Variants in FHAD1 observed in about 807,000 individuals in gnomAD.
The protein encoded by FHAD1 is forkhead associated phosphopeptide binding domain 1.
FHAD1 carries 146 observed loss-of-function variants against 191.3 expected under a neutral mutation model. The ratio of observed to expected loss-of-function variants is 0.76; its 90% CI spans 0.67 to 0.88. The LOEUF is 0.88. Ranked by LOEUF, FHAD1 falls within the 40% of genes least tolerant of loss-of-function variation. FHAD1 has a pLI of 0.00. For synonymous variants in FHAD1, 616 were observed against 672.3 expected (o/e 0.92, Z 1.29); for missense variants, 1,635 against 1,785.8 (o/e 0.92, Z 1.52).
chr1:15,385,184 T>G (rs1377007693), intron 31 of FHAD1, among the ~76,000 whole-genome samples: 1 of 151,574 alleles, frequency 6.6e-6, no homozygotes, highest in Non-Finnish European at 1.5e-5. Context: ...GAGAAAACAG[T>G]TTTTTTTCAG....
At chr1:15,351,238 G>A (rs552802403) in intron 19 of FHAD1, among the ~76,000 whole-genome samples, 1 of 152,246 alleles carries the variant, frequency 6.6e-6, no homozygotes, top group East Asian at 1.9e-4. Flanking sequence ...CCAGCTGCTC[G>A]GGAGGCTGAG....
At chr1:15,343,580 T>C (rs1687680456) in intron 16 of FHAD1, among the ~76,000 whole-genome samples, 1 of 152,184 alleles carries the variant, frequency 6.6e-6, no homozygotes, top group Non-Finnish European at 1.5e-5. Flanking sequence ...TTCTTCTCTT[T>C]GCCTCTTTCT....
rs941404653 is a variant in FHAD1 at position 15,251,190 on chromosome 1, G to T, written c.-14-581G>T. On this transcript the variant is annotated intron_variant, in intron 1 of 33. Coordinates refer to ENST00000688493, the MANE Select transcript of FHAD1 (RefSeq NM_001391957.1). ...CTGGGGAGGCTGAGGCAGGAGGATT[G>T]CTTGAGCCCAGGAGATCGAGACCTC... 3.3e-5 allele frequency among the ~76,000 whole-genome samples: 5 copies of T among 151,568 alleles called. No individual in the cohort carries two copies. The East Asian group carries it at 7.8e-4, about 24-fold the overall frequency.
intron 32 of FHAD1, 139 bp downstream of exon 32, chr1:15,388,270 TCTGC>T (rs1702697747): frequency 9.9e-5 from 14 of 141,026 alleles, no homozygotes; most frequent in East Asian, 8.5e-4. Flanking sequence ...CTCCCCAGCC[TCTGC>T]CCCTCGTCCC....
At chr1:15,371,005 G>A (rs1032748093) in intron 26 of FHAD1, among the ~76,000 whole-genome samples, 5 of 152,158 alleles carry the variant, frequency 3.3e-5, no homozygotes, top group African/African-American at 7.2e-5. Context: ...CCTTGGCATC[G>A]ATTGCTGTCC....
intron 26 of FHAD1, among the ~76,000 whole-genome samples, chr1:15,373,328 G>A (rs918764816): frequency 4.9e-5 from 7 of 143,560 alleles, no homozygotes; most frequent in Non-Finnish European, 7.4e-5. Context: ...GGCCAACGTG[G>A]TGAAACCCCG....
chr1:15,383,962 ATG>A, intron 31 of FHAD1: 1 of 381,044 alleles, frequency 2.6e-6, no homozygotes, highest in Non-Finnish European at 5.3e-6. Context: ...GTCAGCTTTT[ATG>A]TGTGTGTGCA....
intron 16 of FHAD1, among the ~76,000 whole-genome samples, chr1:15,344,343 C>A (rs78687568): frequency 0.016 from 2,417 of 152,292 alleles, 68 homozygotes; most frequent in African/African-American, 0.055. Context: ...AAAAAAAATT[C>A]TATGTTCCTT....
intron 2 of FHAD1, among the ~76,000 whole-genome samples, chr1:15,262,021 G>GCACA (rs143373188): frequency 1.1e-4 from 16 of 150,186 alleles, no homozygotes; most frequent in African/African-American, 3.2e-4. Flanking sequence ...TAGCACACAC[G>GCACA]CACACACACA....
At chr1:15,369,924 A>G (rs942934105) in intron 26 of FHAD1, among the ~76,000 whole-genome samples, 2 of 152,214 alleles carry the variant, frequency 1.3e-5, no homozygotes, top group Non-Finnish European at 1.5e-5. Flanking sequence ...CATTTTATGT[A>G]TATACACACC....
In FHAD1 at chr1:15,348,698, C is replaced by T. The variant is rs72866713; in HGVS notation, c.2347-344C>T. 7.9e-5 allele frequency among the ~76,000 whole-genome samples: 12 copies of T among 152,258 alleles called. No individual in the cohort carries two copies. The East Asian group carries it at 1.2e-3, about 15-fold the overall frequency. Reference sequence around the variant, plus strand: ...TGGCCTCGTGATAGGAAGCTGCCCCCGCTGCTCCCGGGTGCCCTGTCGAGA... The same window carrying T: ...TGGCCTCGTGATAGGAAGCTGCCCCTGCTGCTCCCGGGTGCCCTGTCGAGA... On this transcript the variant is annotated intron_variant, in intron 18 of 33. Coordinates refer to ENST00000688493, the MANE Select transcript of FHAD1 (RefSeq NM_001391957.1).
intron 2 of FHAD1, among the ~76,000 whole-genome samples, chr1:15,269,302 C>G (rs774276408): frequency 1.3e-5 from 2 of 152,176 alleles, no homozygotes; most frequent in Non-Finnish European, 2.9e-5. Context: ...GCATTCAAGG[C>G]TATAAATTTC....
chr1:15,382,258 G>T (rs1306794316), intron 31 of FHAD1, 65 bp downstream of exon 31: 14 of 1,495,706 alleles, frequency 9.4e-6, no homozygotes, highest in Non-Finnish European at 1.3e-5. Context: ...AGCAATGGCC[G>T]AGGGTGGTCC....
At chr1:15,267,869 TATA>T (rs960934192) in intron 2 of FHAD1, among the ~76,000 whole-genome samples, 7 of 147,538 alleles carry the variant, frequency 4.7e-5, no homozygotes, top group Admixed American at 1.4e-4. Flanking sequence ...ATATTATAAA[TATA>T]ATATAAATAT....
At chr1:15,352,592 A>G (rs1365975794) in intron 19 of FHAD1, among the ~76,000 whole-genome samples, 2 of 152,234 alleles carry the variant, frequency 1.3e-5, no homozygotes, top group East Asian at 3.9e-4. Context: ...AAACACCAGG[A>G]CCCAACCATT....
At chr1:15,322,812 G>A (rs1418499442) in intron 10 of FHAD1, among the ~76,000 whole-genome samples, 1 of 152,200 alleles carries the variant, frequency 6.6e-6, no homozygotes, top group Admixed American at 6.5e-5. Context: ...AAGGTGCTCA[G>A]GGCCTAGCCT....
chr1:15,380,955 C>T (rs1295301451), intron 29 of FHAD1, among the ~76,000 whole-genome samples, 159 bp downstream of exon 29: 1 of 152,198 alleles, frequency 6.6e-6, no homozygotes, highest in Non-Finnish European at 1.5e-5. Context: ...GGTCAGGAAT[C>T]ACATAGCCAA....
In FHAD1 at chr1:15,289,916, C is replaced by T. The variant is rs576683392; in HGVS notation, c.568+250C>T. Among the ~76,000 whole-genome samples the T allele has an allele frequency of 3.9e-5, 6 of 152,300 alleles. No individual in the cohort carries two copies. The South Asian group carries it at 8.3e-4, about 21-fold the overall frequency. On this transcript the variant is annotated intron_variant, in intron 4 of 33. Coordinates refer to ENST00000688493, the MANE Select transcript of FHAD1 (RefSeq NM_001391957.1). This position sits in a 1 kb window ranked among gnomAD's most constrained non-coding sequence, Gnocchi z 4.2. Reference sequence around the variant, plus strand: ...CTGTGCTGTGTCCGTATACACACACCAGGGCACCTGCAGTGGGTGTGGCCT... The same window carrying T: ...CTGTGCTGTGTCCGTATACACACACTAGGGCACCTGCAGTGGGTGTGGCCT...
chr1:15,308,287 G>T (rs1300800004), intron 6 of FHAD1, among the ~76,000 whole-genome samples: 1 of 152,288 alleles, frequency 6.6e-6, no homozygotes, highest in South Asian at 2.1e-4. Context: ...GGGCGACCTG[G>T]AACCAACAGG....
Sources: gnomAD v4.1 joint callset for allele counts (sites outside exome capture counted in the v4.1 genomes callset) on GRCh38, gnomAD v4.1.1 for gene constraint, Gnocchi (gnomAD v3.1) non-coding constraint, MANE v1.5 for transcripts, NCBI Gene and HGNC (gene_info 2026-07-23, HGNC 2026-07-21) for gene names.